The following ENAH variants were observed in gnomAD, a reference collection of about 807,000 sequenced individuals.
ENAH encodes protein enabled homolog.
A neutral mutation model predicts 78.7 loss-of-function variants in ENAH; 23 were observed. That is an observed-to-expected ratio of 0.29 (90% CI 0.21 to 0.41). The LOEUF (loss-of-function observed/expected upper bound fraction) is 0.41, where lower values mean the gene tolerates loss of function less well. ENAH is among the 10% of genes least tolerant of loss of function. The pLI is 1.00. For missense variants in ENAH, 544 were observed against 691.0 expected (o/e 0.79, Z 2.39); for synonymous variants, 226 against 241.0 (o/e 0.94, Z 0.58).
intron 11 of ENAH, among the ~76,000 whole-genome samples, chr1:225,502,358 C>T (rs1471159462): frequency 6.6e-6 from 1 of 152,016 alleles, no homozygotes; most frequent in Non-Finnish European, 1.5e-5. Context: ...ATTACAGGTG[C>T]ACCACAATGC....
chr1:225,611,234 T>C (rs2096986944), intron 1 of ENAH, among the ~76,000 whole-genome samples: 1 of 151,988 alleles, frequency 6.6e-6, no homozygotes, highest in African/African-American at 2.4e-5. Flanking sequence ...GAGCCAAAGG[T>C]GGAAGGACTG....
Position 225,494,628 on chromosome 1 carries a change from A to G in ENAH, c.*3147T>C, listed in dbSNP as rs1312363266. 5 of 152,228 alleles carry G rather than the reference A, an allele frequency of 3.3e-5. No homozygotes were observed. Among genetic ancestry groups the G allele is most frequent in the African/African-American group, 1.2e-4 (5 of 41,470 alleles). 9.4% of individuals were successfully genotyped at this position (152,228 alleles called of 1,614,324 possible). On this transcript the variant is annotated 3_prime_UTR_variant, in exon 14 of 14. Coordinates refer to ENST00000366843, the MANE Select transcript of ENAH (RefSeq NM_018212.6). ...AAACAAAAAGTAGACACATCATCAC[A>G]TATTTCTTTTGTATACATTACTTAG... is the stretch of plus-strand genomic sequence containing the variant.
chr1:225,585,135 G>A lies in ENAH; in HGVS notation c.6-17721C>T, dbSNP rs140568736. On this transcript the variant is annotated intron_variant, in intron 1 of 13. Transcript: ENST00000366843. Reference sequence around the variant, plus strand: ...GGAGGCTGAAGCAGGAGAATCGCTTGAGCCTGAGAGGCAGAGGTTGCAGCA... The same window carrying A: ...GGAGGCTGAAGCAGGAGAATCGCTTAAGCCTGAGAGGCAGAGGTTGCAGCA... 5.7e-3 allele frequency among the ~76,000 whole-genome samples: 818 copies of A among 143,576 alleles called. 10 individuals carry two copies. Among genetic ancestry groups the A allele is most frequent in the African/African-American group, 0.02 (778 of 38,240 alleles). 94.2% of individuals were successfully genotyped at this position (143,576 alleles called of 152,430 possible).
chr1:225,579,163 A>T (rs1019847746), intron 1 of ENAH, among the ~76,000 whole-genome samples: 1 of 152,196 alleles, frequency 6.6e-6, no homozygotes, highest in Non-Finnish European at 1.5e-5. Flanking sequence ...ATGGGACTTA[A>T]AGCAGCCAGT....
rs556707137 is a variant in ENAH at position 225,575,133 on chromosome 1, C to G, written c.6-7719G>C. 3.9e-4 allele frequency among the ~76,000 whole-genome samples: 59 copies of G among 151,848 alleles called. 1 individual carries two copies. In the South Asian group the frequency reaches 0.012, roughly 30 times the overall value. ...TCACTCCAGAATCCTCCGTGACCCT[C>G]ACTGCTCCACACACACAGTCACCAA... On this transcript the variant is annotated intron_variant, in intron 1 of 13. Transcript: ENST00000366843.
intron 2 of ENAH, among the ~76,000 whole-genome samples, chr1:225,561,156 C>T (rs550155483): frequency 6.6e-6 from 1 of 152,166 alleles, no homozygotes; most frequent in Admixed American, 6.5e-5. Flanking sequence ...AAAGCTTGAA[C>T]CAGGGAAGTC....
At chr1:225,641,068 T>C (rs1660965361) in intron 1 of ENAH, among the ~76,000 whole-genome samples, 1 of 151,846 alleles carries the variant, frequency 6.6e-6, no homozygotes, top group Non-Finnish European at 1.5e-5. Flanking sequence ...TTTCACCGTG[T>C]TAGCCAGGAT....
intron 1 of ENAH, among the ~76,000 whole-genome samples, chr1:225,594,969 T>C (rs1420993924): frequency 7.2e-5 from 11 of 152,196 alleles, no homozygotes; most frequent in South Asian, 4.1e-4. Context: ...AGCTATTTAA[T>C]TGTAGCTTGG....
chr1:225,511,940 C>CTT (rs1176396570), intron 9 of ENAH, 81 bp from the exon 10 acceptor site: 1 of 861,060 alleles, frequency 1.2e-6, no homozygotes, highest in Non-Finnish European at 1.8e-6. Flanking sequence ...ACGAACACTT[C>CTT]TAATATTCTT....
At position 225,629,324 on chromosome 1, in the gene ENAH, G is replaced by A. The variant is rs551343142; in HGVS notation, c.5+23362C>T. ...GGAAAGGCTGGGCGCTGTGGCTCAC[G>A]CCTATAATCCCAGCACTTTGGGAGG... On this transcript the variant is annotated intron_variant, in intron 1 of 13. Transcript: ENST00000366843. Among the ~76,000 whole-genome samples, 16 of 149,798 alleles carry A rather than the reference G, an allele frequency of 1.1e-4. No homozygotes were observed. In the South Asian group the frequency reaches 3.4e-3, roughly 32 times the overall value.
chr1:225,536,476 A>C (rs548969992), intron 3 of ENAH, among the ~76,000 whole-genome samples: 10 of 152,184 alleles, frequency 6.6e-5, no homozygotes, highest in Non-Finnish European at 1.2e-4. Context: ...TATTTTCAGC[A>C]TGGGAAAGAT....
chr1:225,645,000 G>C (rs1418670698), intron 1 of ENAH, among the ~76,000 whole-genome samples: 1 of 152,122 alleles, frequency 6.6e-6, no homozygotes, highest in Non-Finnish European at 1.5e-5. Context: ...AGAGATGGCT[G>C]GCTGTCTCCT....
chr1:225,501,957 C>T (rs2151047606), intron 11 of ENAH, among the ~76,000 whole-genome samples: 1 of 152,304 alleles, frequency 6.6e-6, no homozygotes, highest in East Asian at 1.9e-4. Flanking sequence ...TAAATGGGCA[C>T]TCCTCCGGGT....
chr1:225,512,667 T>C lies in ENAH; in HGVS notation c.1412A>G (p.Glu471Gly), dbSNP rs1162735493. The change falls in exon 9 of 14, where the codon GAG (glutamate) becomes GGG (glycine). Residue 471 changes from glutamate (E) to glycine (G), a missense_variant. Glu to Gly is a moderately conservative substitution (Grantham distance 98). Transcript: ENST00000366843. ...KGSTIETEQK[E>G]DKGEDSEPVT... ...TCTTTATTAACTTACACCTTTGTCC[T>C]CTTTTTGTTCTGTTTCTATTGTTGA... 1 of 1,613,412 alleles carries C rather than the reference T, an allele frequency of 6.2e-7. No homozygotes were observed. Among genetic ancestry groups the C allele is most frequent in the African/African-American group, 1.3e-5 (1 of 74,922 alleles).
intron 1 of ENAH, among the ~76,000 whole-genome samples, chr1:225,629,128 A>G (rs1334216776): frequency 1.3e-5 from 2 of 151,490 alleles, no homozygotes; most frequent in African/African-American, 4.9e-5. Flanking sequence ...GAATACAAAA[A>G]TTAGATGGGC....
chr1:225,597,516 G>T (rs989615784), intron 1 of ENAH, among the ~76,000 whole-genome samples: 1 of 151,928 alleles, frequency 6.6e-6, no homozygotes, highest in Non-Finnish European at 1.5e-5. Flanking sequence ...AATTAGCTGG[G>T]CATGGTGGTA....
At chr1:225,650,131 CT>C (rs1210264214) in intron 1 of ENAH, among the ~76,000 whole-genome samples, 1 of 152,244 alleles carries the variant, frequency 6.6e-6, no homozygotes, top group African/African-American at 2.4e-5. Context: ...ACCAATCTCA[CT>C]TTTACAGGTA....
At chr1:225,615,214 T>C (rs909004161) in intron 1 of ENAH, among the ~76,000 whole-genome samples, 6 of 152,200 alleles carry the variant, frequency 3.9e-5, no homozygotes, top group Admixed American at 2.0e-4. Flanking sequence ...GACTGGTTTT[T>C]GTATTTTTTC....
intron 6 of ENAH, 73 bp from the exon 7 acceptor site, chr1:225,514,973 G>A (rs1369181714): frequency 9.0e-6 from 11 of 1,223,494 alleles, no homozygotes; most frequent in Middle Eastern, 1.9e-4. Context: ...GGGAAGGTAC[G>A]CAGAATGCCA....
Sources: allele counts gnomAD v4.1 joint callset (sites outside exome capture counted in the v4.1 genomes callset), GRCh38; gene constraint gnomAD v4.1.1; transcripts MANE v1.5; gene names NCBI Gene and HGNC (gene_info 2026-07-23, HGNC 2026-07-21).